TOX: variants seen among roughly 807,000 people sequenced by gnomAD.
The protein encoded by TOX is thymocyte selection associated high mobility group box.
Under a neutral mutation model 53.7 loss-of-function variants are expected in TOX, and 11 were observed. That is an observed-to-expected ratio of 0.20 (90% CI 0.13 to 0.34). The LOEUF (loss-of-function observed/expected upper bound fraction) is 0.34. Among genes scored for constraint, TOX ranks in the 10% least tolerant of loss-of-function variants. The probability of loss-of-function intolerance (pLI) is 1.00; values close to 1 mark genes in which losing one functional copy is unlikely to be tolerated. For synonymous variants in TOX, 225 were observed against 245.3 expected, an observed-to-expected ratio of 0.92 and a Z score of 0.77; for missense variants, 570 against 664.6, an observed-to-expected ratio of 0.86 and a Z score of 1.56.
chr8:58,869,861 A>G (rs1475616093), intron 3 of TOX, among the ~76,000 whole-genome samples: 1 of 152,068 alleles, frequency 6.6e-6, no homozygotes, highest in Non-Finnish European at 1.5e-5. Context: ...AAAACATGTG[A>G]CAAAATATAA....
chr8:58,963,894 A>G (rs776917994), intron 1 of TOX, among the ~76,000 whole-genome samples: 2 of 152,240 alleles, frequency 1.3e-5, no homozygotes, highest in Non-Finnish European at 2.9e-5. Flanking sequence ...TTATTGCCTA[A>G]ATAAGAAAAA....
chr8:58,958,848 G>A (rs1250623665), intron 2 of TOX, among the ~76,000 whole-genome samples: 2 of 152,196 alleles, frequency 1.3e-5, no homozygotes, highest in Non-Finnish European at 1.5e-5. Flanking sequence ...TCAGGGAGAT[G>A]CAGGCCTGCC....
intron 2 of TOX, among the ~76,000 whole-genome samples, chr8:58,941,813 G>A (rs1395357972): frequency 6.6e-6 from 1 of 152,124 alleles, no homozygotes; most frequent in Admixed American, 6.6e-5. Context: ...AGCATTTTGG[G>A]AGGCTGAGGT....
chr8:59,022,384 C>T (rs1814152883), intron 1 of TOX, among the ~76,000 whole-genome samples: 1 of 152,136 alleles, frequency 6.6e-6, no homozygotes, highest in Admixed American at 6.6e-5. Context: ...TTTATGTACA[C>T]TGTCATTTAA....
chr8:58,858,045 C>T (rs1810944960), intron 3 of TOX, among the ~76,000 whole-genome samples: 1 of 152,148 alleles, frequency 6.6e-6, no homozygotes, highest in Non-Finnish European at 1.5e-5. Flanking sequence ...GTTGGGATTA[C>T]AGGCGTGAGC....
intron 3 of TOX, among the ~76,000 whole-genome samples, chr8:58,865,528 T>C (rs1811082364): frequency 6.6e-6 from 1 of 152,106 alleles, no homozygotes; most frequent in African/African-American, 2.4e-5. Flanking sequence ...CTTGAAAGGA[T>C]TTCAAGAGAA....
chr8:58,840,482 T>C (rs550701830), intron 4 of TOX, among the ~76,000 whole-genome samples: 98 of 152,294 alleles, frequency 6.4e-4, no homozygotes, highest in African/African-American at 2.3e-3. Context: ...CCTAGAATGG[T>C]GCTCCTCAAA....
chr8:58,868,657 A>G (rs371816416), intron 3 of TOX, among the ~76,000 whole-genome samples: 17 of 152,274 alleles, frequency 1.1e-4, no homozygotes, highest in Non-Finnish European at 2.4e-4. Flanking sequence ...AGGTACAACA[A>G]TAAAATTTGT....
In TOX at chr8:58,941,779, G is replaced by A. The variant is rs371770777; in HGVS notation, c.169-2235C>T. On this transcript the variant is annotated intron_variant, in intron 2 of 8. Transcript: ENST00000361421. ...CTGTTTGAAACTCTCCTGGCGGGGC[G>A]CGGTGGCTCATACCTGTAATCCTAG... Among the ~76,000 whole-genome samples, 168 of 152,194 alleles carry A rather than the reference G, an allele frequency of 1.1e-3. 2 individuals carry two copies. The highest frequency in any genetic ancestry group is 3.8e-3 in the African/African-American group (159 of 41,518).
intron 1 of TOX, among the ~76,000 whole-genome samples, chr8:59,104,999 C>G (rs903940355): frequency 2.0e-5 from 3 of 152,134 alleles, no homozygotes; most frequent in Admixed American, 2.0e-4. Context: ...CCTCCCTGAC[C>G]CCCTTAACAC....
chr8:58,935,314 T>C (rs1812325561), intron 3 of TOX, among the ~76,000 whole-genome samples: 1 of 152,178 alleles, frequency 6.6e-6, no homozygotes, highest in African/African-American at 2.4e-5. Flanking sequence ...TTTCACTTCC[T>C]TGATCCATTC....
intron 3 of TOX, among the ~76,000 whole-genome samples, chr8:58,886,545 T>G (rs2129171414): frequency 6.6e-6 from 1 of 152,240 alleles, no homozygotes. Context: ...CTACCTGTGG[T>G]CAGATAAAAA....
chr8:59,082,017 G>C (rs1804417340), intron 1 of TOX, among the ~76,000 whole-genome samples: 1 of 152,168 alleles, frequency 6.6e-6, no homozygotes, highest in African/African-American at 2.4e-5. Flanking sequence ...CTAAAGCAGT[G>C]ATTTATTTCA....
intron 3 of TOX, among the ~76,000 whole-genome samples, chr8:58,865,827 CTTTTT>C (rs768072284): frequency 6.6e-5 from 6 of 91,304 alleles, no homozygotes; most frequent in African/African-American, 2.1e-4. Flanking sequence ...ATGACAGTGG[CTTTTT>C]TTTTTTTTTT....
intron 6 of TOX, among the ~76,000 whole-genome samples, chr8:58,823,456 TC>T (rs1233422018): frequency 6.6e-6 from 1 of 152,168 alleles, no homozygotes; most frequent in Non-Finnish European, 1.5e-5. Context: ...ACTCCTGACC[TC>T]AAGTGATCTG....
chr8:58,976,441 C>T (rs1157889998), intron 1 of TOX, among the ~76,000 whole-genome samples: 2 of 152,198 alleles, frequency 1.3e-5, no homozygotes, highest in Non-Finnish European at 2.9e-5. Context: ...ACCACATCTA[C>T]AGTTGCTGCT....
At chr8:59,043,201 CTGTGTG>C (rs10660376) in intron 1 of TOX, among the ~76,000 whole-genome samples, 4 of 147,904 alleles carry the variant, frequency 2.7e-5, no homozygotes, top group Admixed American at 1.4e-4. Context: ...ACTTTCTTTT[CTGTGTG>C]TGTGTGTGTG....
intron 3 of TOX, among the ~76,000 whole-genome samples, chr8:58,890,684 T>C (rs1442758679): frequency 6.6e-6 from 1 of 152,026 alleles, no homozygotes; most frequent in East Asian, 1.9e-4. Context: ...GAGGAGATAC[T>C]TGGTGTAGTG....
chr8:58,823,283 G>C (rs1387782213), intron 6 of TOX, among the ~76,000 whole-genome samples: 1 of 152,124 alleles, frequency 6.6e-6, no homozygotes, highest in African/African-American at 2.4e-5. Context: ...AGGGCAGGTG[G>C]TACAATCTTG....
Sources: gnomAD v4.1 joint callset for allele counts (sites outside exome capture counted in the v4.1 genomes callset) on GRCh38, gnomAD v4.1.1 for gene constraint, MANE v1.5 for transcripts, NCBI Gene and HGNC (gene_info 2026-07-23, HGNC 2026-07-21) for gene names.